The following GABRG3 variants were observed in gnomAD, a reference collection of about 807,000 sequenced individuals.
GABRG3 encodes gamma-aminobutyric acid type A receptor subunit gamma3.
In GABRG3, 25 loss-of-function variants were observed where a neutral mutation model predicts 48.8. The ratio of observed to expected loss-of-function variants is 0.51; its 90% CI spans 0.37 to 0.72. The LOEUF is 0.72. Ranked by LOEUF, GABRG3 falls within the 30% of genes least tolerant of loss-of-function variation. The pLI is 0.00. For missense variants in GABRG3, 394 were observed against 577.9 expected, an observed-to-expected ratio of 0.68 and a Z score of 3.26; for synonymous variants, 227 against 217.6, an observed-to-expected ratio of 1.04 and a Z score of -0.38.
At chr15:27,020,048 G>T (rs1037021755) in intron 2 of GABRG3, among the ~76,000 whole-genome samples, 1 of 152,128 alleles carries the variant, frequency 6.6e-6, no homozygotes, top group Non-Finnish European at 1.5e-5. Flanking sequence ...TATTTACTGC[G>T]TTAACAGCCC....
intron 3 of GABRG3, among the ~76,000 whole-genome samples, chr15:27,047,892 G>T (rs1198187428): frequency 6.6e-6 from 1 of 152,140 alleles, no homozygotes; most frequent in Non-Finnish European, 1.5e-5. Flanking sequence ...TTAACTGGTG[G>T]TCATTTTGCT....
chr15:27,271,888 G>T (rs1891102686), intron 3 of GABRG3, among the ~76,000 whole-genome samples: 1 of 152,206 alleles, frequency 6.6e-6, no homozygotes, highest in South Asian at 2.1e-4. Flanking sequence ...TGGCTTAATT[G>T]CATAAGTATC....
At chr15:27,178,090 C>T (rs1251447497) in intron 3 of GABRG3, among the ~76,000 whole-genome samples, 1 of 152,144 alleles carries the variant, frequency 6.6e-6, no homozygotes, top group African/African-American at 2.4e-5. Flanking sequence ...CTTGTCAATA[C>T]TGGATTGCAC....
intron 3 of GABRG3, among the ~76,000 whole-genome samples, chr15:27,216,778 A>ATTTTTTTTTTTTTTTTTTTTTTTTT (rs57030355): frequency 8.4e-6 from 1 of 119,624 alleles, no homozygotes. Context: ...TTATTTTTTA[A>ATTTTTTTTTTTTTTTTTTTTTTTTT]TTTTTTTTTT....
intron 3 of GABRG3, among the ~76,000 whole-genome samples, chr15:27,311,407 A>G (rs897558342): frequency 3.3e-5 from 5 of 152,086 alleles, no homozygotes; most frequent in Admixed American, 3.3e-4. Flanking sequence ...TTGCTGGGAG[A>G]TACCTGGAGG....
chr15:27,342,268 A>G (rs1894208792), intron 5 of GABRG3, among the ~76,000 whole-genome samples: 1 of 152,210 alleles, frequency 6.6e-6, no homozygotes, highest in African/African-American at 2.4e-5. Context: ...CCTTTTACAG[A>G]TGCAAAAACC....
At chr15:27,415,532 G>C (rs372341889) in intron 5 of GABRG3, among the ~76,000 whole-genome samples, 1 of 152,112 alleles carries the variant, frequency 6.6e-6, no homozygotes, top group African/African-American at 2.4e-5. Context: ...GGGGACCGGG[G>C]GAAAGGGTGG....
chr15:27,045,007 A>G (rs1370781227), intron 3 of GABRG3, among the ~76,000 whole-genome samples: 3 of 152,254 alleles, frequency 2.0e-5, no homozygotes, highest in East Asian at 1.9e-4. Context: ...CAGTCTAACA[A>G]TCAATACTAA....
At chr15:27,475,568 A>G (rs1889913789) in intron 5 of GABRG3, among the ~76,000 whole-genome samples, 1 of 151,682 alleles carries the variant, frequency 6.6e-6, no homozygotes, top group African/African-American at 2.4e-5. Flanking sequence ...TGATGATAGT[A>G]ACAGTGGTGG....
At chr15:27,052,146 C>T (rs1175765045) in intron 3 of GABRG3, among the ~76,000 whole-genome samples, 1 of 152,186 alleles carries the variant, frequency 6.6e-6, no homozygotes, top group Admixed American at 6.5e-5. Flanking sequence ...TTGGGGCCCC[C>T]TGATCTAAGA....
At chr15:27,492,394 T>C (rs1890377326) in intron 6 of GABRG3, among the ~76,000 whole-genome samples, 1 of 152,228 alleles carries the variant, frequency 6.6e-6, no homozygotes, top group South Asian at 2.1e-4. Flanking sequence ...GTGAAGTTAA[T>C]GCGCTGCTCC....
intron 3 of GABRG3, among the ~76,000 whole-genome samples, chr15:27,100,021 C>T (rs1418317601): frequency 6.6e-6 from 1 of 151,988 alleles, no homozygotes; most frequent in African/African-American, 2.4e-5. Flanking sequence ...TCGAGACCAG[C>T]CTGGCCAACA....
chr15:27,263,564 T>C (rs1056785674), intron 3 of GABRG3, among the ~76,000 whole-genome samples: 6 of 152,134 alleles, frequency 3.9e-5, no homozygotes, highest in African/African-American at 1.4e-4. Flanking sequence ...TTTAAAACCT[T>C]TGTTTTCTTT....
At chr15:27,494,621 A>G (rs1890438446) in intron 6 of GABRG3, among the ~76,000 whole-genome samples, 1 of 152,140 alleles carries the variant, frequency 6.6e-6, no homozygotes, top group African/African-American at 2.4e-5. Flanking sequence ...TACCACATTT[A>G]TGTTTGAGAA....
chr15:27,041,187 C>T (rs182536425), intron 3 of GABRG3, among the ~76,000 whole-genome samples: 11 of 152,236 alleles, frequency 7.2e-5, no homozygotes, highest in Admixed American at 1.3e-4. Flanking sequence ...TGCTTTTTAA[C>T]GTAAACTTTT....
At chr15:27,528,404 A>G (rs926095581) in intron 9 of GABRG3, among the ~76,000 whole-genome samples, 6 of 152,230 alleles carry the variant, frequency 3.9e-5, no homozygotes, top group African/African-American at 1.4e-4. Flanking sequence ...ACCATATCAT[A>G]TGCTCATGAT....
rs1555370922 is a variant in GABRG3 at position 27,313,272 on chromosome 15, A to ATATATATATATATG, written c.271-13524_271-13523insGTATATATATATAT. 9.7e-5 allele frequency among the ~76,000 whole-genome samples: 6 copies of ATATATATATATATG among 61,956 alleles called. No individual in the cohort carries two copies. The East Asian group carries it at 3.3e-3, about 34-fold the overall frequency. The allele number at this position is 61,956 out of a possible 152,430, so 40.6% of individuals were successfully genotyped here. ...TGTGTGTGTGTGTGTGTATATATAT[A>ATATATATATATATG]TATATATATATATATATATATATAT... On this transcript the variant is annotated intron_variant, in intron 3 of 9. Coordinates refer to ENST00000615808, the MANE Select transcript of GABRG3 (RefSeq NM_033223.5).
chr15:27,043,058 C>T (rs2140701309), intron 3 of GABRG3, among the ~76,000 whole-genome samples: 1 of 152,308 alleles, frequency 6.6e-6, no homozygotes, highest in African/African-American at 2.4e-5. Context: ...CTATATGAAC[C>T]TAACTTGCTC....
In GABRG3 at chr15:27,104,524, G is replaced by A. The variant is rs553659239; in HGVS notation, c.270+77703G>A. Among the ~76,000 whole-genome samples, 5 of 152,320 alleles carry A rather than the reference G, an allele frequency of 3.3e-5. No homozygotes were observed. In the South Asian group the frequency reaches 1.0e-3, roughly 32 times the overall value. On this transcript the variant is annotated intron_variant, in intron 3 of 9. Transcript: ENST00000615808. ...TCTCATTCACTCACTCACTCCCAAG[G>A]AAACACTGATATATGGTATGTCTAG...
Sources: gnomAD v4.1 joint callset for allele counts (sites outside exome capture counted in the v4.1 genomes callset) on GRCh38, gnomAD v4.1.1 for gene constraint, MANE v1.5 for transcripts, NCBI Gene and HGNC (gene_info 2026-07-23, HGNC 2026-07-21) for gene names.